Variants in SLC13A4 observed in about 807,000 individuals in gnomAD.
SLC13A4 encodes Na(+)/sulfate cotransporter SUT-1.
In SLC13A4, 28 loss-of-function variants were observed where a neutral mutation model predicts 72.7. That is an observed-to-expected ratio of 0.39 (90% CI 0.29 to 0.53). SLC13A4 has a LOEUF of 0.53. Ranked by LOEUF, SLC13A4 falls within the 20% of genes least tolerant of loss-of-function variation. The probability of loss-of-function intolerance (pLI) is 0.78; values close to 1 mark genes in which losing one functional copy is unlikely to be tolerated. For missense variants in SLC13A4, 653 were observed against 788.0 expected (o/e 0.83, Z 2.05); for synonymous variants, 312 against 325.5 (o/e 0.96, Z 0.45).
intron 2 of SLC13A4, 26 bp downstream of exon 2, chr7:135,721,369 G>A: frequency 6.2e-7 from 1 of 1,612,692 alleles, no homozygotes; most frequent in African/African-American, 1.3e-5. Flanking sequence ...GACCCAGGCA[G>A]GGGGTGGGGC....
At chr7:135,707,852 A>C in intron 3 of SLC13A4, 1 of 357,422 alleles carries the variant, frequency 2.8e-6, no homozygotes. Flanking sequence ...ATGGGCCCCT[A>C]TATGTTGTAA....
At chr7:135,699,129 C>G (rs929064680) in intron 8 of SLC13A4, among the ~76,000 whole-genome samples, 2 of 151,904 alleles carry the variant, frequency 1.3e-5, no homozygotes, top group Non-Finnish European at 2.9e-5. Context: ...TTTCTAGAGA[C>G]AGGGTCTCAC....
At chr7:135,691,386 G>C in intron 12 of SLC13A4, 61 bp from the exon 13 acceptor site, 1 of 1,432,016 alleles carries the variant, frequency 7.0e-7, no homozygotes, top group Non-Finnish European at 9.4e-7. Flanking sequence ...GTGGAGACAG[G>C]AGCCTAATTG....
chr7:135,685,435 A>G, intron 14 of SLC13A4, 87 bp downstream of exon 14: 1 of 1,170,396 alleles, frequency 8.5e-7, no homozygotes, highest in Non-Finnish European at 1.2e-6. Context: ...GAGAGCCTAC[A>G]GCTACGGAAG....
chr7:135,703,586 C>T (rs1486980331), intron 5 of SLC13A4: 1 of 152,444 alleles, frequency 6.6e-6, no homozygotes, highest in Non-Finnish European at 1.5e-5. Flanking sequence ...TGGTCCCCAA[C>T]CTTTGCCTTG....
intron 9 of SLC13A4, among the ~76,000 whole-genome samples, chr7:135,694,698 A>G (rs868491770): frequency 3.4e-4 from 52 of 152,254 alleles, no homozygotes; most frequent in African/African-American, 1.2e-3. Context: ...ACATCTGCGT[A>G]TATGGAACAC....
At position 135,681,599 on chromosome 7, in the gene SLC13A4, T is replaced by A. The variant is rs751143722; in HGVS notation, c.1848A>T (p.Ala616=). ...VSLFHLDTYP[A]WARVSNITDQ... Reference sequence around the variant, plus strand: ...CAGTGATGTTGCTGACCCTCGCCCATGCTGGGTAAGTGTCCAGGTGGAAGA... The same window carrying A: ...CAGTGATGTTGCTGACCCTCGCCCAAGCTGGGTAAGTGTCCAGGTGGAAGA... Residue 616 remains alanine, a synonymous_variant, in exon 16 of 16, where the codon GCA becomes GCT. Transcript: ENST00000682651. 2.5e-6 allele frequency: 4 copies of A among 1,614,128 alleles called. No homozygotes were observed. Among genetic ancestry groups the A allele is most frequent in the Non-Finnish European group, 3.4e-6 (4 of 1,180,000 alleles).
intron 1 of SLC13A4, 136 bp from the exon 2 acceptor site, chr7:135,721,659 G>A (rs1374930870): frequency 1.5e-5 from 16 of 1,046,830 alleles, no homozygotes; most frequent in Admixed American, 2.3e-5. Flanking sequence ...GACCGAAACC[G>A]AACTGGCAGG....
At chr7:135,703,250 C>T (rs534292933) in intron 5 of SLC13A4, 17 of 228,082 alleles carry the variant, frequency 7.5e-5, no homozygotes, top group African/African-American at 3.4e-4. Context: ...CCTCCATTTA[C>T]ACCAGTACTT....
chr7:135,710,113 T>G (rs1172329563), intron 2 of SLC13A4, among the ~76,000 whole-genome samples: 1 of 152,186 alleles, frequency 6.6e-6, no homozygotes, highest in African/African-American at 2.4e-5. Context: ...TGAAAAACCC[T>G]CTTAAAGTGA....
At position 135,691,641 on chromosome 7, in the gene SLC13A4, C is replaced by A; in HGVS notation, c.1228G>T (p.Gly410Cys). The change falls in exon 12 of 16, where the codon GGC becomes TGC. Residue 410 changes from glycine (G) to cysteine (C), a missense_variant. Physicochemically the swap from Gly to Cys is radical, Grantham distance 159. Transcript: ENST00000682651. ...GAGACTGTGGCATCAGTACGGTAGC[C>A]TTTCCTAGTAAAGAGACAAGCATAG... Reference protein sequence around the residue: ...PGWDSFFEKKGYRTDATVSVF... With the variant: ...PGWDSFFEKKCYRTDATVSVF... 1 of 1,610,178 alleles carries A rather than the reference C, an allele frequency of 6.2e-7. No homozygotes were observed. The highest frequency in any genetic ancestry group is 1.1e-5 in the South Asian group (1 of 90,960).
At chr7:135,716,709 C>T (rs1796441110) in intron 2 of SLC13A4, among the ~76,000 whole-genome samples, 1 of 152,240 alleles carries the variant, frequency 6.6e-6, no homozygotes. Flanking sequence ...CAAGTCCCAG[C>T]TCCACCACTT....
At chr7:135,712,399 C>T (rs73454424) in intron 2 of SLC13A4, among the ~76,000 whole-genome samples, 1,587 of 149,068 alleles carry the variant, frequency 0.011, 24 homozygotes, top group African/African-American at 0.037. Flanking sequence ...TGGAGTCAGC[C>T]GGGACTCCAC....
intron 1 of SLC13A4, 106 bp from the exon 2 acceptor site, chr7:135,721,629 G>A (rs1265183653): frequency 6.9e-7 from 1 of 1,439,994 alleles, no homozygotes; most frequent in Non-Finnish European, 9.5e-7. Context: ...TGTAACGCGG[G>A]TACTAGGATA....
intron 2 of SLC13A4, among the ~76,000 whole-genome samples, chr7:135,714,842 A>G (rs1191172906): frequency 6.6e-6 from 1 of 152,252 alleles, no homozygotes; most frequent in Non-Finnish European, 1.5e-5. Context: ...GGGTTATCCC[A>G]GCGGGCGCAG....
At chr7:135,715,323 G>GTGTGTC (rs75762065) in intron 2 of SLC13A4, among the ~76,000 whole-genome samples, 1 of 144,772 alleles carries the variant, frequency 6.9e-6, no homozygotes, top group Non-Finnish European at 1.5e-5. Flanking sequence ...GTGTATGTGT[G>GTGTGTC]TGAGTAAGTG....
chr7:135,719,780 C>CGTGT (rs535749594), intron 2 of SLC13A4, among the ~76,000 whole-genome samples: 18,463 of 138,520 alleles, frequency 0.13, 1,562 homozygotes, highest in Admixed American at 0.26. Flanking sequence ...CTCAATGCCA[C>CGTGT]ATGTGTGTGT....
intron 2 of SLC13A4, among the ~76,000 whole-genome samples, chr7:135,719,563 T>C (rs1796498162): frequency 6.6e-6 from 1 of 152,136 alleles, no homozygotes. Flanking sequence ...TGCTTTTTTC[T>C]TTAGGCAGAC....
At chr7:135,723,711 G>A (rs145977523) in intron 1 of SLC13A4, among the ~76,000 whole-genome samples, 9 of 152,176 alleles carry the variant, frequency 5.9e-5, no homozygotes, top group Admixed American at 1.3e-4. Context: ...GTAAGGGGCA[G>A]CAGGAGTGAT....
Sources: allele counts gnomAD v4.1 joint callset (sites outside exome capture counted in the v4.1 genomes callset), GRCh38; gene constraint gnomAD v4.1.1; transcripts MANE v1.5; gene names NCBI Gene and HGNC (gene_info 2026-07-23, HGNC 2026-07-21).